The following STX17 variants were observed in gnomAD, a reference collection of about 807,000 sequenced individuals.
STX17 encodes the protein syntaxin 17.
Under a neutral mutation model 35.9 loss-of-function variants are expected in STX17, and 29 were observed. The observed-to-expected ratio is 0.81, with a 90% CI of 0.60 to 1.10. STX17 has a LOEUF of 1.10. Ranked by LOEUF, STX17 falls within the 50% of genes least tolerant of loss-of-function variation. The pLI, the probability that STX17 is intolerant of heterozygous loss-of-function variation, is 0.00. For missense variants in STX17, 312 were observed against 352.3 expected (o/e 0.89, Z 0.92); for synonymous variants, 92 against 118.3 (o/e 0.78, Z 1.44).
chr9:99,916,337 T>A (rs923408758), intron 2 of STX17, among the ~76,000 whole-genome samples: 1 of 152,152 alleles, frequency 6.6e-6, no homozygotes, highest in Admixed American at 6.5e-5. Context: ...GCCAGTGATA[T>A]TTTTTGTTTC....
At chr9:99,920,273 G>C (rs1180500314) in intron 2 of STX17, among the ~76,000 whole-genome samples, 1 of 152,170 alleles carries the variant, frequency 6.6e-6, no homozygotes, top group Non-Finnish European at 1.5e-5. Context: ...TTTTCCTACT[G>C]TTATGAAGAT....
chr9:99,967,883 G>A (rs1829947916), intron 7 of STX17, 144 bp downstream of exon 7: 3 of 683,176 alleles, frequency 4.4e-6, no homozygotes, highest in East Asian at 2.7e-5. Context: ...GGTAGTGTAA[G>A]AAATCAATGT....
At chr9:99,910,104 G>A (rs1006383052) in intron 1 of STX17, among the ~76,000 whole-genome samples, 4 of 151,914 alleles carry the variant, frequency 2.6e-5, no homozygotes, top group Non-Finnish European at 5.9e-5. Flanking sequence ...GTGGTGGCAC[G>A]TGCCTGTAAT....
chr9:99,967,784 C>A (rs1170531144), intron 7 of STX17, 45 bp downstream of exon 7: 1 of 1,555,316 alleles, frequency 6.4e-7, no homozygotes, highest in Non-Finnish European at 8.9e-7. Flanking sequence ...CTCTGGCTCC[C>A]AGGAATCTCT....
intron 6 of STX17, 118 bp from the exon 7 acceptor site, chr9:99,967,535 C>G: frequency 1.5e-6 from 1 of 675,050 alleles, no homozygotes; most frequent in Non-Finnish European, 2.5e-6. Context: ...TAATGAACCA[C>G]TATTAAGATG....
At chr9:99,964,970 C>A (rs187856439) in intron 6 of STX17, among the ~76,000 whole-genome samples, 8 of 152,094 alleles carry the variant, frequency 5.3e-5, no homozygotes, top group Admixed American at 5.2e-4. Flanking sequence ...GAAAGGCAGA[C>A]GTGCACAATC....
intron 3 of STX17, among the ~76,000 whole-genome samples, chr9:99,934,039 G>A (rs1039239084): frequency 6.6e-6 from 1 of 152,168 alleles, no homozygotes; most frequent in Non-Finnish European, 1.5e-5. Flanking sequence ...AAAAGTTAAT[G>A]TAAGTCAGAA....
At chr9:99,917,454 T>C (rs1828797687) in intron 2 of STX17, among the ~76,000 whole-genome samples, 1 of 152,166 alleles carries the variant, frequency 6.6e-6, no homozygotes, top group Non-Finnish European at 1.5e-5. Flanking sequence ...TGTAGAAAGA[T>C]AAAATATTTA....
chr9:99,951,419 C>A, intron 4 of STX17, 134 bp downstream of exon 4: 2 of 765,946 alleles, frequency 2.6e-6, no homozygotes, highest in Non-Finnish European at 4.0e-6. Context: ...AATCCTTGGA[C>A]CCTGATCAGT....
chr9:99,913,866 A>G (rs1373658283), intron 1 of STX17: 1 of 152,218 alleles, frequency 6.6e-6, no homozygotes, highest in Non-Finnish European at 1.5e-5. Flanking sequence ...TTCAACTGTG[A>G]AAGAAAGGGG....
intron 3 of STX17, among the ~76,000 whole-genome samples, chr9:99,940,934 G>C (rs1383864714): frequency 6.6e-6 from 1 of 152,072 alleles, no homozygotes; most frequent in East Asian, 1.9e-4. Flanking sequence ...TAACTCTTGT[G>C]AACTAAACTG....
intron 2 of STX17, among the ~76,000 whole-genome samples, chr9:99,920,797 T>C (rs2900224): frequency 0.69 from 104,627 of 151,938 alleles, 36,300 homozygotes; most frequent in African/African-American, 0.72. Context: ...CCTCCTCAAA[T>C]ATTTGGATTG....
intron 3 of STX17, among the ~76,000 whole-genome samples, chr9:99,931,381 T>G (rs1334245916): frequency 2.0e-5 from 3 of 152,192 alleles, no homozygotes; most frequent in Non-Finnish European, 2.9e-5. Context: ...AATTTGATGA[T>G]GATGTCATTG....
At chr9:99,925,935 C>G (rs1828977263) in intron 2 of STX17, among the ~76,000 whole-genome samples, 1 of 151,806 alleles carries the variant, frequency 6.6e-6, no homozygotes, top group South Asian at 2.1e-4. Flanking sequence ...TTATTTTTCT[C>G]TCATGGAGTC....
chr9:99,958,353 A>G (rs1392266120), intron 4 of STX17, among the ~76,000 whole-genome samples: 3 of 152,164 alleles, frequency 2.0e-5, no homozygotes, highest in Non-Finnish European at 2.9e-5. Flanking sequence ...GTAGCACTCT[A>G]TACTTACCAG....
intron 1 of STX17, chr9:99,914,096 T>G (rs1021836284): frequency 6.6e-6 from 1 of 152,064 alleles, no homozygotes; most frequent in African/African-American, 2.4e-5. Flanking sequence ...TGAGCCACCG[T>G]ACCCGGCCCC....
chr9:99,962,487 G>A (rs980991761), intron 6 of STX17, among the ~76,000 whole-genome samples: 1 of 152,122 alleles, frequency 6.6e-6, no homozygotes, highest in Non-Finnish European at 1.5e-5. Context: ...CACATAAAAT[G>A]TGTTTTAATA....
At chr9:99,920,872 T>C (rs912666787) in intron 2 of STX17, among the ~76,000 whole-genome samples, 14 of 152,228 alleles carry the variant, frequency 9.2e-5, no homozygotes, top group Admixed American at 1.3e-4. Context: ...ATCTGAATTA[T>C]TCCTTATTTT....
Position 99,915,318 on chromosome 9 carries a change from A to G in STX17, c.79A>G (p.Thr27Ala), listed in dbSNP as rs1202522415. The change falls in exon 2 of 8, where the codon ACA (threonine) becomes GCA (alanine). Residue 27 changes from threonine (T) to alanine (A), a missense_variant. Coordinates refer to ENST00000259400, the MANE Select transcript of STX17 (RefSeq NM_017919.3). ...GAAATTCATTAAGATAGTAATCCCA[A>G]CAGACCTGGAAAGGTTAAGAAAGCA... ...IQKFIKIVIP[T>A]DLERLRKHQI... 4 of 1,612,530 alleles carry G rather than the reference A, an allele frequency of 2.5e-6. No homozygotes were observed. Among genetic ancestry groups the G allele is most frequent in the Non-Finnish European group, 3.4e-6 (4 of 1,179,340 alleles).
Sources: gnomAD v4.1 joint callset for allele counts (sites outside exome capture counted in the v4.1 genomes callset) on GRCh38, gnomAD v4.1.1 for gene constraint, MANE v1.5 for transcripts, NCBI Gene and HGNC (gene_info 2026-07-23, HGNC 2026-07-21) for gene names.